The following LGALS4 variants were observed in gnomAD, a reference collection of about 807,000 sequenced individuals.
The protein encoded by LGALS4 is galectin-4.
LGALS4 carries 37 observed loss-of-function variants against 39.6 expected under a neutral mutation model. The ratio of observed to expected loss-of-function variants is 0.93; its 90% CI spans 0.72 to 1.23. LGALS4 has a LOEUF of 1.23. Ranked by LOEUF, LGALS4 falls within the 50% of genes most tolerant of loss-of-function variation. The pLI, the probability that LGALS4 is intolerant of heterozygous loss-of-function variation, is 0.00. For missense variants in LGALS4, 397 were observed against 433.2 expected (o/e 0.92, Z 0.74); for synonymous variants, 160 against 165.5 (o/e 0.97, Z 0.25).
In LGALS4 at chr19:38,802,003, G is replaced by C. The variant is rs572457509; in HGVS notation, c.814C>G (p.Gln272Glu). The change falls in exon 9 of 10, where the codon CAG (glutamine) becomes GAG (glutamate). Residue 272 changes from glutamine (Q) to glutamate (E), a missense_variant. Coordinates refer to ENST00000307751, the MANE Select transcript of LGALS4 (RefSeq NM_006149.4). Reference protein sequence around the residue: ...KITHNPFGPGQFFDLSIRCGL... With the variant: ...KITHNPFGPGEFFDLSIRCGL... ...GAGCTCAGACTCACATCAAAGAACT[G>C]TCCGGGACCAAATGGGTTGTGGGTG... 2.5e-6 allele frequency: 4 copies of C among 1,614,230 alleles called. No individual in the cohort carries two copies. In the South Asian group the frequency reaches 3.3e-5, roughly 13 times the overall value.
At chr19:38,802,764 G>A (rs1251463928) in intron 7 of LGALS4, among the ~76,000 whole-genome samples, 1 of 151,922 alleles carries the variant, frequency 6.6e-6, no homozygotes, top group Non-Finnish European at 1.5e-5. Context: ...TGCAACCTCT[G>A]CCTCCTAGGT....
rs1183730449 is a variant in LGALS4 at position 38,802,073 on chromosome 19, C to T, written c.744G>A (p.Arg248=). ...CCCACGAGCCATTCAGAAGGCTGTT[C>T]CGGACCACGGTACCGTTGCCCATGC... ...NPRMGNGTVV[R]NSLLNGSWGS... The change falls in exon 9 of 10, where the codon CGG becomes CGA. Residue 248 remains arginine (R), a synonymous_variant. Coordinates refer to ENST00000307751, the MANE Select transcript of LGALS4 (RefSeq NM_006149.4). 2 of 1,614,052 alleles carry T rather than the reference C, an allele frequency of 1.2e-6. No individual in the cohort carries two copies. Among genetic ancestry groups the T allele is most frequent in the East Asian group, 4.5e-5 (2 of 44,896 alleles).
intron 3 of LGALS4, among the ~76,000 whole-genome samples, chr19:38,807,691 G>T (rs1323603122): frequency 2.6e-5 from 4 of 152,180 alleles, no homozygotes; most frequent in Non-Finnish European, 4.4e-5. Context: ...AGAAAAGGGG[G>T]AAATGTGGGG....
At chr19:38,807,947 C>T (rs776897919) in intron 3 of LGALS4, among the ~76,000 whole-genome samples, 1 of 152,052 alleles carries the variant, frequency 6.6e-6, no homozygotes, top group Non-Finnish European at 1.5e-5. Context: ...CATCACCACT[C>T]CCTAATCTCA....
chr19:38,806,598 G>A lies in LGALS4; in HGVS notation c.340-3C>T. On this transcript the variant is annotated splice_region_variant and splice_polypyrimidine_tract_variant and intron_variant, in intron 3 of 9. Transcript: ENST00000307751. ...AAGGGATTTCCATTTACCACCACCT[G>A]GAGGGCAGAGATGGGAGGTCAGGAG... 1 of 1,613,528 alleles carries A rather than the reference G, an allele frequency of 6.2e-7. No individual in the cohort carries two copies. Among genetic ancestry groups the A allele is most frequent in the Admixed American group, 1.7e-5 (1 of 59,980 alleles).
Position 38,808,926 on chromosome 19 carries a change from C to A in LGALS4, c.157G>T (p.Gly53Trp), listed in dbSNP as rs930055762. The A allele has an allele frequency of 6.2e-7, 1 of 1,612,858 alleles. No homozygotes were observed. Among genetic ancestry groups the A allele is most frequent in the Non-Finnish European group, 8.5e-7 (1 of 1,179,430 alleles). The change falls in exon 3 of 10, where the codon GGG (glycine) becomes TGG (tryptophan). Residue 53 changes from glycine (G) to tryptophan (W), a missense_variant. Gly to Trp is a radical substitution (Grantham distance 184). Coordinates refer to ENST00000307751, the MANE Select transcript of LGALS4 (RefSeq NM_006149.4). ...GCGACGTCTGAGCCCGGATCCTGCC[C>A]AACCACAAAGTTCACGAAGAACCTG... is the stretch of plus-strand genomic sequence containing the variant. ...MKRFFVNFVV[G>W]QDPGSDVAFH...
rs145694212 is a variant in LGALS4 at position 38,806,576 on chromosome 19, G to A, written c.359C>T (p.Pro120Leu). 6 of 1,613,780 alleles carry A rather than the reference G, an allele frequency of 3.7e-6. No homozygotes were observed. The highest frequency in any genetic ancestry group is 1.6e-4 in the Middle Eastern group (1 of 6,072). ...EHYKVVVNGN[P>L]FYEYGHRLPL... ...AAGCCGGTGCCCGTACTCATAGAAGGGATTTCCATTTACCACCACCTGGAG... is the reference window on the plus strand; with the variant it reads ...AAGCCGGTGCCCGTACTCATAGAAGAGATTTCCATTTACCACCACCTGGAG... Residue 120 changes from proline to leucine, a missense_variant, in exon 4 of 10, where the codon CCC (proline) becomes CTC (leucine). Coordinates refer to ENST00000307751, the MANE Select transcript of LGALS4 (RefSeq NM_006149.4).
rs1281841240 is a variant in LGALS4, at chr19:38,803,799, G to T, written c.502-19C>A. Reference sequence around the variant, plus strand: ...CGGGACCCTGAACGATGGACAGAAGGCAGGAAGGGTGAGAGGGGCTGAGGG... The same window carrying T: ...CGGGACCCTGAACGATGGACAGAAGTCAGGAAGGGTGAGAGGGGCTGAGGG... On this transcript the variant is annotated intron_variant, in intron 5 of 9. Coordinates refer to ENST00000307751, the MANE Select transcript of LGALS4 (RefSeq NM_006149.4). The T allele has an allele frequency of 6.2e-7, 1 of 1,613,742 alleles. No homozygotes were observed. Among genetic ancestry groups the T allele is most frequent in the South Asian group, 1.1e-5 (1 of 91,008 alleles).
Position 38,803,541 on chromosome 19 carries a change from C to G in LGALS4, c.551G>C (p.Gly184Ala). ...CCATACCGGGTTGAAGGTTGGGGGT[C>G]CTTCCATGGTCTGTGAAGTGAGGAA... ...QQLNSLPTME[G>A]PPTFNPPVPY... Residue 184 changes from glycine (G) to alanine (A), a missense_variant, in exon 7 of 10, where the codon GGA (glycine) becomes GCA (alanine). Gly to Ala is a moderately conservative substitution (Grantham distance 60). Coordinates refer to ENST00000307751, the MANE Select transcript of LGALS4 (RefSeq NM_006149.4). 1 of 1,614,068 alleles carries G rather than the reference C, an allele frequency of 6.2e-7. No individual in the cohort carries two copies. The highest frequency in any genetic ancestry group is 8.5e-7 in the Non-Finnish European group (1 of 1,179,974).
intron 4 of LGALS4, among the ~76,000 whole-genome samples, chr19:38,804,697 G>T (rs1971401981): frequency 1.3e-5 from 2 of 151,930 alleles, no homozygotes; most frequent in African/African-American, 2.4e-5. Flanking sequence ...GTGGTGGCAG[G>T]TGCCTGTAAT....
chr19:38,805,139 G>A (rs1218065499), intron 4 of LGALS4, among the ~76,000 whole-genome samples: 1 of 147,998 alleles, frequency 6.8e-6, no homozygotes, highest in Admixed American at 6.8e-5. Context: ...ACTCCAGCCT[G>A]GGTGACAGAG....
intron 3 of LGALS4, 118 bp downstream of exon 3, chr19:38,808,623 CAAA>C (rs371371385): frequency 0.013 from 6,576 of 525,896 alleles, 2 homozygotes; most frequent in Middle Eastern, 0.017. Context: ...AACTCCATCT[CAAA>C]AAAAAAAAAA....
chr19:38,803,388 G>T, intron 7 of LGALS4, 134 bp downstream of exon 7: 1 of 863,814 alleles, frequency 1.2e-6, no homozygotes, highest in Non-Finnish European at 1.9e-6. Flanking sequence ...CCCTAAACCT[G>T]ACCACGAACT....
At chr19:38,812,141 G>A (rs952640015) in intron 2 of LGALS4, among the ~76,000 whole-genome samples, 7 of 152,088 alleles carry the variant, frequency 4.6e-5, no homozygotes, top group Admixed American at 1.3e-4. Flanking sequence ...ATTTTAACTC[G>A]GGGACCCGGC....
chr19:38,803,715 C>T (rs757019689), intron 6 of LGALS4, 27 bp downstream of exon 6: 31 of 1,610,652 alleles, frequency 1.9e-5, no homozygotes, highest in Non-Finnish European at 2.3e-5. Flanking sequence ...ACTCCTCACC[C>T]GGGGCCCTCC....
Position 38,801,681 on chromosome 19 carries a change from C to A in LGALS4, c.*83G>T. On this transcript the variant is annotated 3_prime_UTR_variant, in exon 10 of 10. Transcript: ENST00000307751. ...GATGGAGACACACACTCATGAGACACCCTCAGACATTTTATTAGGGGCTTA... is the reference window on the plus strand; with the variant it reads ...GATGGAGACACACACTCATGAGACAACCTCAGACATTTTATTAGGGGCTTA... 6.8e-7 allele frequency: 1 copy of A among 1,467,936 alleles called. No individual in the cohort carries two copies. Among genetic ancestry groups the A allele is most frequent in the Non-Finnish European group, 9.4e-7 (1 of 1,065,826 alleles). The allele number at this position is 1,467,936 out of a possible 1,614,324, so 90.9% of individuals were successfully genotyped here.
Position 38,802,164 on chromosome 19 carries a change from A to G in LGALS4, c.660-7T>C. On this transcript the variant is annotated splice_region_variant and splice_polypyrimidine_tract_variant and intron_variant, in intron 8 of 9. Coordinates refer to ENST00000307751, the MANE Select transcript of LGALS4 (RefSeq NM_006149.4). The stretch of plus-strand genomic sequence containing the variant: ...CTTGAAGTTGATAGCAAAGCTGGGG[A>G]CAGAGAGGGATGGGGGAGTCAGATG... The G allele has an allele frequency of 1.2e-6, 2 of 1,612,972 alleles. No homozygotes were observed. Among genetic ancestry groups the G allele is most frequent in the Non-Finnish European group, 8.5e-7 (1 of 1,179,206 alleles).
At position 38,812,591 on chromosome 19, in the gene LGALS4, C is replaced by T. The variant is rs555521010; in HGVS notation, c.46-72G>A. ...GCAGCCTTTACCCCTCCCAGAAAAG[C>T]CCCCCAGTCCCTTAAGCAGGAGAGA... is the stretch of plus-strand genomic sequence containing the variant. On this transcript the variant is annotated intron_variant, in intron 1 of 9. Coordinates refer to ENST00000307751, the MANE Select transcript of LGALS4 (RefSeq NM_006149.4). The T allele has an allele frequency of 2.2e-4, 306 of 1,379,274 alleles. No individual in the cohort carries two copies. In the South Asian group the frequency reaches 2.3e-3, roughly 11 times the overall value. The allele number at this position is 1,379,274 out of a possible 1,614,324, so 85.4% of individuals were successfully genotyped here.
At chr19:38,812,729 G>T in intron 1 of LGALS4, 113 bp downstream of exon 1, 2 of 1,219,902 alleles carry the variant, frequency 1.6e-6, no homozygotes, top group Non-Finnish European at 2.4e-6. Context: ...TCAGCTTTGG[G>T]TAAATCAGAC....
Sources: allele counts gnomAD v4.1 joint callset (sites outside exome capture counted in the v4.1 genomes callset), GRCh38; gene constraint gnomAD v4.1.1; transcripts MANE v1.5; gene names NCBI Gene and HGNC (gene_info 2026-07-23, HGNC 2026-07-21).